Variants in EPG5 observed in about 807,000 individuals in gnomAD.
EPG5 encodes ectopic P granules protein 5 homolog.
Under a neutral mutation model 302.7 loss-of-function variants are expected in EPG5, and 159 were observed. That is an observed-to-expected ratio of 0.53 (90% confidence interval 0.46 to 0.60). The LOEUF (loss-of-function observed/expected upper bound fraction) is 0.60, where lower values mean the gene tolerates loss of function less well. EPG5 is among the 20% of genes least tolerant of loss of function. The probability of loss-of-function intolerance (pLI) is 0.00; values close to 1 mark genes in which losing one functional copy is unlikely to be tolerated. For synonymous variants in EPG5, 1,158 were observed against 1,136.8 expected (o/e 1.02, Z -0.37); for missense variants, 2,896 against 3,092.4 (o/e 0.94, Z 1.51).
At chr18:45,889,383 A>C (rs2049290142) in intron 28 of EPG5, among the ~76,000 whole-genome samples, 1 of 152,244 alleles carries the variant, frequency 6.6e-6, no homozygotes, top group Admixed American at 6.5e-5. Context: ...TGAGTTGACA[A>C]GGATAAGTTC....
Position 45,930,689 on chromosome 18 carries a change from A to C in EPG5, c.2399T>G (p.Leu800Arg). The C allele has an allele frequency of 6.3e-7, 1 of 1,592,526 alleles. No individual in the cohort carries two copies. Among genetic ancestry groups the C allele is most frequent in the Non-Finnish European group, 8.5e-7 (1 of 1,173,774 alleles). The change falls in exon 12 of 44, where the codon CTG becomes CGG. Residue 800 changes from leucine to arginine, a missense_variant. Physicochemically the swap from Leu to Arg is moderately radical, Grantham distance 102. Coordinates refer to ENST00000282041, the MANE Select transcript of EPG5 (RefSeq NM_020964.3). Reference sequence around the variant, plus strand: ...TCATATTCTAACCTCATATATCTCCAGAACAATAATTTTTATGAAGTCTTC... The same window carrying C: ...TCATATTCTAACCTCATATATCTCCCGAACAATAATTTTTATGAAGTCTTC... ...VDEDFIKIIV[L>R]EIYEVSYVTL... is the part of the protein sequence containing the mutation.
At chr18:45,921,199 A>C (rs768747726) in intron 16 of EPG5, among the ~76,000 whole-genome samples, 11 of 152,346 alleles carry the variant, frequency 7.2e-5, no homozygotes, top group Non-Finnish European at 1.5e-4. Context: ...ACAATTCTTT[A>C]TCTCTCCTAC....
chr18:45,837,734 G>A, the EPG5 span: 5 of 1,507,000 alleles, frequency 3.3e-6, no homozygotes, highest in African/African-American at 1.4e-5. Flanking sequence ...GAGCCTGCAC[G>A]GCCGCTTCCG....
chr18:45,936,288 C>G (rs1188518177), intron 10 of EPG5, among the ~76,000 whole-genome samples: 1 of 152,144 alleles, frequency 6.6e-6, no homozygotes, highest in African/African-American at 2.4e-5. Flanking sequence ...ATAACTAGAA[C>G]CTTGTATTTT....
chr18:45,930,440 A>C (rs1189885344), intron 12 of EPG5, among the ~76,000 whole-genome samples: 1 of 152,162 alleles, frequency 6.6e-6, no homozygotes, highest in Non-Finnish European at 1.5e-5. Context: ...TCTCTCCCTT[A>C]CTGAAACTGG....
intron 30 of EPG5, among the ~76,000 whole-genome samples, chr18:45,884,084 T>C (rs1192863768): frequency 3.3e-5 from 5 of 152,098 alleles, no homozygotes; most frequent in African/African-American, 1.2e-4. Context: ...ACTAAACTAC[T>C]ATTATGAATA....
At chr18:45,876,194 G>A in intron 35 of EPG5, 42 bp downstream of exon 35, 1 of 1,402,004 alleles carries the variant, frequency 7.1e-7, no homozygotes, top group South Asian at 1.2e-5. Context: ...CTGACTTAGG[G>A]AAAAATGAAA....
the EPG5 span, chr18:45,837,717 C>T: frequency 4.0e-6 from 6 of 1,493,298 alleles, no homozygotes; most frequent in South Asian, 5.1e-5. Flanking sequence ...CTCTGCCAGA[C>T]GGCGCTGAGC....
At position 45,884,699 on chromosome 18, in the gene EPG5, G is replaced by A. The variant is rs1224212439; in HGVS notation, c.5222C>T (p.Ala1741Val). 1.2e-6 allele frequency: 2 copies of A among 1,611,894 alleles called. No individual in the cohort carries two copies. The highest frequency in any genetic ancestry group is 2.2e-5 in the East Asian group (1 of 44,660). ...TTGCTCATACAGCTGTATGAACTCT[G>A]CAGGTGCAGCATTGGGAGTGAAGAA... ...SPFFTPNAAP[A>V]EFIQLYEQVV... Residue 1741 changes from alanine to valine, a missense_variant, in exon 30 of 44, where the codon GCA becomes GTA. Around this residue, in one of 5 missense-constraint regions of EPG5, gnomAD observed 790 missense variants for 798.0 expected, o/e 0.99. Transcript: ENST00000282041.
At chr18:45,959,450 T>A (rs1395451317) in intron 1 of EPG5, among the ~76,000 whole-genome samples, 1 of 151,386 alleles carries the variant, frequency 6.6e-6, no homozygotes, top group East Asian at 2.0e-4. Flanking sequence ...ATTGAGACCA[T>A]CCTGGCCAAC....
Position 45,908,097 on chromosome 18 carries a change from A to G in EPG5, c.4206-16T>C, listed in dbSNP as rs377650059. 375 of 1,485,586 alleles carry G rather than the reference A, an allele frequency of 2.5e-4. No individual in the cohort carries two copies. The highest frequency in any genetic ancestry group is 3.2e-4 in the Non-Finnish European group (353 of 1,094,926). 92.0% of individuals were successfully genotyped at this position (1,485,586 alleles called of 1,614,324 possible). A position where few individuals can be genotyped will look rare whatever the true frequency, so the allele number is the denominator to read the frequency against. On this transcript the variant is annotated splice_polypyrimidine_tract_variant and intron_variant, in intron 23 of 43. Transcript: ENST00000282041. Reference sequence around the variant, plus strand: ...ATTGAAGAGCCTAAAAGATAAAAACATAATTATACGAAACATAAAAAGATG... The same window carrying G: ...ATTGAAGAGCCTAAAAGATAAAAACGTAATTATACGAAACATAAAAAGATG...
intron 1 of EPG5, among the ~76,000 whole-genome samples, chr18:45,966,391 AATACAT>A (rs2051262261): frequency 6.8e-6 from 1 of 148,004 alleles, no homozygotes; most frequent in Non-Finnish European, 1.5e-5. Context: ...AAAAAAAAAA[AATACAT>A]ATACATATAT....
intron 16 of EPG5, among the ~76,000 whole-genome samples, chr18:45,921,576 A>C (rs2050155028): frequency 6.6e-6 from 1 of 152,226 alleles, no homozygotes; most frequent in Non-Finnish European, 1.5e-5. Context: ...CTCTGAGAAA[A>C]TTGAACAGAT....
At position 45,934,849 on chromosome 18, in the gene EPG5, G is replaced by A. The variant is rs1017399233; in HGVS notation, c.2217C>T (p.Ser739=). 6.8e-6 allele frequency: 11 copies of A among 1,614,180 alleles called. No homozygotes were observed. The highest frequency in any genetic ancestry group is 9.3e-6 in the Non-Finnish European group (11 of 1,180,028). ...QVESENLQQL[S]SSLQPAQCKQ... The stretch of plus-strand genomic sequence containing the variant: ...TGCACTGGGCGGGCTGCAGGGAGGA[G>A]GAGAGCTGCTGCAGGTTCTCGCTCT... Residue 739 remains serine (S), a synonymous_variant, in exon 11 of 44, where the codon TCC becomes TCT. Coordinates refer to ENST00000282041, the MANE Select transcript of EPG5 (RefSeq NM_020964.3).
chr18:45,883,940 T>G (rs2049161602), intron 30 of EPG5, among the ~76,000 whole-genome samples: 1 of 149,992 alleles, frequency 6.7e-6, no homozygotes, highest in Non-Finnish European at 1.5e-5. Flanking sequence ...AATAAAATAT[T>G]AAAGTTAATA....
downstream of EPG5, among the ~76,000 whole-genome samples, chr18:45,845,989 A>G (rs1431573248): frequency 2.6e-5 from 4 of 152,184 alleles, no homozygotes; most frequent in Non-Finnish European, 5.9e-5. Flanking sequence ...TTGGCTGGAG[A>G]CACCATGGGC....
chr18:45,837,922 C>A, the EPG5 span: 1 of 1,464,966 alleles, frequency 6.8e-7, no homozygotes, highest in East Asian at 2.9e-5. Flanking sequence ...AGCGGGTCCC[C>A]GGCCTCCCTT....
chr18:45,877,964 G>A (rs2049009221), intron 34 of EPG5, among the ~76,000 whole-genome samples: 1 of 152,122 alleles, frequency 6.6e-6, no homozygotes, highest in Non-Finnish European at 1.5e-5. Context: ...TGCTTTAATT[G>A]AAGAGTCCTA....
At chr18:45,884,856 C>A (rs755581721) in intron 29 of EPG5, 45 bp from the exon 30 acceptor site, 1 of 1,401,224 alleles carries the variant, frequency 7.1e-7, no homozygotes, top group South Asian at 1.5e-5. Context: ...TCTTCCCTCA[C>A]AACCTTTATT....
Sources: gnomAD v4.1 joint callset for allele counts (sites outside exome capture counted in the v4.1 genomes callset) on GRCh38, gnomAD v4.1.1 for gene constraint, gnomAD v4.1.1 regional missense constraint, MANE v1.5 for transcripts, NCBI Gene and HGNC (gene_info 2026-07-23, HGNC 2026-07-21) for gene names.